APLP2: variants seen among roughly 807,000 people sequenced by gnomAD.
The protein encoded by APLP2 is CDEI box-binding protein.
Under a neutral mutation model 89.9 loss-of-function variants are expected in APLP2, and 53 were observed. The observed-to-expected ratio is 0.59, with a 90% confidence interval of 0.47 to 0.74. The LOEUF (loss-of-function observed/expected upper bound fraction) is 0.74, where lower values mean the gene tolerates loss of function less well. Among genes scored for constraint, APLP2 ranks in the 30% least tolerant of loss-of-function variants. The probability of loss-of-function intolerance (pLI) is 0.00; values close to 1 mark genes in which losing one functional copy is unlikely to be tolerated. For missense variants in APLP2, 973 were observed against 975.9 expected (o/e 1.00, Z 0.04); for synonymous variants, 372 against 348.6 (o/e 1.07, Z -0.75).
rs1236454586 is a variant in APLP2 at position 130,135,689 on chromosome 11, C to T, written c.1811C>T (p.Pro604Leu). Residue 604 changes from proline (P) to leucine (L), a missense_variant, in exon 13 of 17, where the codon CCC becomes CTC. By Grantham distance (98) the Pro-to-Leu change is moderately conservative. Transcript: ENST00000338167. ...ATCCCACCGTTCCACCCCTTCCACC[C>T]CTTCCCAGCCCTACCTGAGAACGAA... Reference protein sequence around the residue: ...EEIPPFHPFHPFPALPENEGS... With the variant: ...EEIPPFHPFHLFPALPENEGS... The T allele has an allele frequency of 6.2e-7, 1 of 1,614,166 alleles. No homozygotes were observed. The highest frequency in any genetic ancestry group is 1.7e-5 in the Admixed American group (1 of 60,022).
At position 130,122,378 on chromosome 11, in the gene APLP2, G is replaced by T; in HGVS notation, c.787G>T (p.Glu263Ter). ...AVDEDDEDEEEGEEVVEDRDY... is the reference protein window; with the variant it reads ...AVDEDDEDEE ...GGATGAGGATGATGAGGATGAGGAA[G>T]AAGGGGAGGAAGTGGTGGAGGACCG... Residue 263 changes from glutamate (E) to a stop codon, truncating the protein, a stop_gained, in exon 6 of 17, where the codon GAA (glutamate) becomes TAA (stop). Transcript: ENST00000338167. LOFTEE classifies it high-confidence loss of function. 6.2e-7 allele frequency: 1 copy of T among 1,614,206 alleles called. No individual in the cohort carries two copies. The highest frequency in any genetic ancestry group is 1.3e-5 in the African/African-American group (1 of 75,046).
Position 130,070,038 on chromosome 11 carries a change from G to A in APLP2, c.61G>A (p.Val21Met). 1.3e-6 allele frequency: 2 copies of A among 1,514,462 alleles called. No individual in the cohort carries two copies. The highest frequency in any genetic ancestry group is 2.4e-5 in the South Asian group (2 of 82,484). 93.8% of individuals were successfully genotyped at this position (1,514,462 alleles called of 1,614,324 possible). ...GGGCAGGCTCCTGCTTCTGCTGCTG[G>A]TGGGGCTCACGGCGCCTGCCTTGGC... Reference protein sequence around the residue: ...ATGRLLLLLLVGLTAPALALA... With the variant: ...ATGRLLLLLLMGLTAPALALA... The change falls in exon 1 of 17, where the codon GTG becomes ATG. Residue 21 changes from valine (V) to methionine (M), a missense_variant. By Grantham distance (21) the Val-to-Met change is conservative. Transcript: ENST00000338167.
intron 1 of APLP2, among the ~76,000 whole-genome samples, chr11:130,104,513 G>A (rs567457429): frequency 1.3e-5 from 2 of 152,074 alleles, no homozygotes; most frequent in African/African-American, 4.8e-5. Context: ...CCACCGTGCC[G>A]GGCTTGGTAT....
chr11:130,130,262 T>A, intron 11 of APLP2, 96 bp downstream of exon 11: 2 of 1,491,696 alleles, frequency 1.3e-6, no homozygotes, highest in Non-Finnish European at 1.9e-6. Flanking sequence ...CTAGTTGCAT[T>A]TGCTACTAGT....
chr11:130,135,797 A>G lies in APLP2; in HGVS notation c.1837+82A>G, dbSNP rs896928333. ...ATTGAAGTCAGTTTTTCGAAAACCA[A>G]ATTGAGTTGGGAGATGGTGTTCCTG... On this transcript the variant is annotated intron_variant, in intron 13 of 16. Transcript: ENST00000338167. The G allele has an allele frequency of 4.6e-6, 7 of 1,534,574 alleles. No homozygotes were observed. The Middle Eastern group carries it at 8.8e-4, about 193-fold the overall frequency.
In APLP2 at chr11:130,142,068, CGT is replaced by C; in HGVS notation, c.2150_2151del (p.Val717GlyfsTer3). The C allele has an allele frequency of 6.2e-7, 1 of 1,611,720 alleles. No homozygotes were observed. Among genetic ancestry groups the C allele is most frequent in the Non-Finnish European group, 8.5e-7 (1 of 1,179,064 alleles). On this transcript the variant is annotated frameshift_variant, in exon 16 of 17. Transcript: ENST00000338167. LOFTEE classifies it high-confidence loss of function. Reference sequence around the variant, plus strand: ...AGTATGGCACCATCAGCCACGGGATCGTGGAGGTGAGGAGCTGGGCTGCTGAG... The same window carrying C: ...AGTATGGCACCATCAGCCACGGGATCGGAGGTGAGGAGCTGGGCTGCTGAG... ...RQYGTISHGI[V>X]EVDPMLTPEE...
At chr11:130,126,613 C>T in intron 7 of APLP2, 87 bp from the exon 8 acceptor site, 1 of 1,502,666 alleles carries the variant, frequency 6.7e-7, no homozygotes, top group Non-Finnish European at 9.2e-7. Context: ...CAAATTGAGT[C>T]CATCCTGCAG....
chr11:130,077,848 A>G (rs1379513548), intron 1 of APLP2, among the ~76,000 whole-genome samples: 1 of 152,238 alleles, frequency 6.6e-6, no homozygotes, highest in African/African-American at 2.4e-5. Context: ...GTTTGAGCTG[A>G]AAGTAAAGAT....
chr11:130,111,920 C>T (rs1948630924), intron 3 of APLP2, among the ~76,000 whole-genome samples: 1 of 152,208 alleles, frequency 6.6e-6, no homozygotes, highest in South Asian at 2.1e-4. Context: ...TTCTGCATTG[C>T]TCCCCCTAAA....
At chr11:130,096,667 G>A (rs996537294) in intron 1 of APLP2, among the ~76,000 whole-genome samples, 8 of 152,252 alleles carry the variant, frequency 5.3e-5, no homozygotes, top group African/African-American at 1.9e-4. Flanking sequence ...ATAATCAGCC[G>A]TGATTGCACC....
intron 13 of APLP2, among the ~76,000 whole-genome samples, chr11:130,136,869 C>T (rs887855000): frequency 6.6e-6 from 1 of 152,028 alleles, no homozygotes; most frequent in Non-Finnish European, 1.5e-5. Flanking sequence ...TGTTGGGGGT[C>T]GGGGCAGCTT....
At chr11:130,143,259 A>T in intron 16 of APLP2, 88 bp from the exon 17 acceptor site, 1 of 1,212,724 alleles carries the variant, frequency 8.2e-7, no homozygotes. Flanking sequence ...TCCTCAGGGG[A>T]TTGTGCAGCA....
intron 3 of APLP2, among the ~76,000 whole-genome samples, chr11:130,118,613 G>T (rs760727435): frequency 9.2e-5 from 14 of 152,210 alleles, no homozygotes; most frequent in African/African-American, 1.4e-4. Flanking sequence ...ATGTGAGTTG[G>T]TGGTTGGATG....
chr11:130,109,730 A>G, intron 2 of APLP2, 128 bp downstream of exon 2: 1 of 1,047,654 alleles, frequency 9.5e-7, no homozygotes. Flanking sequence ...CTGGAGCCCC[A>G]AGCCTTTTGT....
rs536923087 is a variant in APLP2 at position 130,069,959 on chromosome 11, TA to T, written c.-18del. On this transcript the variant is annotated 5_prime_UTR_variant, in exon 1 of 17. An upstream open reading frame in the 5' UTR loses its in-frame stop. Coordinates refer to ENST00000338167, the MANE Select transcript of APLP2 (RefSeq NM_001142276.2). ...GTGTGTGAGCTTGAGAGCCGCGCGC[TA>T]GAGCGACCCGGCGAGGGATGGCGGC... 867 of 1,494,558 alleles carry T rather than the reference TA, an allele frequency of 5.8e-4. 9 individuals are homozygous for T. In the African/African-American group the frequency reaches 0.011, roughly 19 times the overall value. The allele number at this position is 1,494,558 out of a possible 1,614,324, so 92.6% of individuals were successfully genotyped here.
chr11:130,121,496 A>G, intron 4 of APLP2, 118 bp from the exon 5 acceptor site: 1 of 1,288,282 alleles, frequency 7.8e-7, no homozygotes, highest in Non-Finnish European at 1.0e-6. Flanking sequence ...ATGTGTTCAT[A>G]AGAGAAAGCA....
At chr11:130,070,783 A>T in intron 1 of APLP2, 1 of 1,356,026 alleles carries the variant, frequency 7.4e-7, no homozygotes, top group Non-Finnish European at 9.6e-7. Flanking sequence ...TTCAGTGAGT[A>T]GGGAAGGTGC....
intron 1 of APLP2, among the ~76,000 whole-genome samples, chr11:130,103,668 T>C (rs564949072): frequency 4.8e-4 from 73 of 152,294 alleles, no homozygotes; most frequent in Middle Eastern, 3.4e-3. Context: ...TGCTGATAAA[T>C]GGCTTTTTAC....
Position 130,109,370 on chromosome 11 carries a change from A to T in APLP2, c.106-59A>T, listed in dbSNP as rs58832753. The T allele has an allele frequency of 5.1e-3, 7,649 of 1,485,660 alleles. 321 individuals are homozygous for T. The African/African-American group carries it at 0.091, about 18-fold the overall frequency. 92.0% of individuals were successfully genotyped at this position (1,485,660 alleles called of 1,614,324 possible). ...GCATTCTGTCACATAGACCTGAATG[A>T]CTGTTGCCTCTGTGCTAGCCTTCTT... is the stretch of plus-strand genomic sequence containing the variant. On this transcript the variant is annotated intron_variant, in intron 1 of 16. Transcript: ENST00000338167.
Sources: gnomAD v4.1 joint callset for allele counts (sites outside exome capture counted in the v4.1 genomes callset) on GRCh38, gnomAD v4.1.1 for gene constraint, MANE v1.5 for transcripts, NCBI Gene and HGNC (gene_info 2026-07-23, HGNC 2026-07-21) for gene names.